The following APBB1 variants were observed in gnomAD, a reference collection of about 807,000 sequenced individuals.
APBB1 encodes the protein amyloid beta precursor protein binding family B member 1.
Under a neutral mutation model 78.4 loss-of-function variants are expected in APBB1, and 22 were observed. The ratio of observed to expected loss-of-function variants is 0.28; its 90% CI spans 0.20 to 0.40. The LOEUF (loss-of-function observed/expected upper bound fraction) is 0.40. Ranked by LOEUF, APBB1 falls within the 10% of genes least tolerant of loss-of-function variation. The pLI is 1.00. For synonymous variants in APBB1, 369 were observed against 372.7 expected, an observed-to-expected ratio of 0.99 and a Z score of 0.12; for missense variants, 749 against 932.4, an observed-to-expected ratio of 0.80 and a Z score of 2.56.
intron 2 of APBB1, among the ~76,000 whole-genome samples, chr11:6,408,423 G>C (rs1210509415): frequency 2.6e-5 from 4 of 152,172 alleles, no homozygotes; most frequent in African/African-American, 9.7e-5. Flanking sequence ...GGGAAGCCAA[G>C]GTAGGAGGAT....
chr11:6,413,574 T>C (rs1413572809), intron 1 of APBB1, among the ~76,000 whole-genome samples: 2 of 151,836 alleles, frequency 1.3e-5, no homozygotes, highest in Non-Finnish European at 1.5e-5. Flanking sequence ...TCCTGCAGCC[T>C]CCTGAGTAGC....
chr11:6,410,842 T>C lies in APBB1; in HGVS notation c.506A>G (p.Glu169Gly), dbSNP rs747475498. 15 of 1,613,812 alleles carry C rather than the reference T, an allele frequency of 9.3e-6. No homozygotes were observed. The highest frequency in any genetic ancestry group is 8.3e-5 in the Admixed American group (5 of 59,962). The change falls in exon 2 of 15, where the codon GAG becomes GGG. Residue 169 changes from glutamate to glycine, a missense_variant. Physicochemically the swap from Glu to Gly is moderately conservative, Grantham distance 98. Coordinates refer to ENST00000609360, the MANE Select transcript of APBB1 (RefSeq NM_001164.5). ...EEEEDDDDEE[E>G]EEDLSSPPGL... is the part of the protein sequence containing the mutation. ...TGGGGGAGAAGATAAGTCCTCCTCC[T>C]CCTCTTCATCATCATCATCCTCCTC...
In APBB1 at chr11:6,411,368, G is replaced by A. The variant is rs369166110; in HGVS notation, c.-14-7C>T. ...GACATGGCCTTGGCAGCTCCTGTGG[G>A]GTGCGGAGGGGAGATGCTGTTGAGC... On this transcript the variant is annotated splice_region_variant and splice_polypyrimidine_tract_variant and intron_variant, in intron 1 of 14. Coordinates refer to ENST00000609360, the MANE Select transcript of APBB1 (RefSeq NM_001164.5). The surrounding 1 kb of genome is among the most constrained non-coding windows in gnomAD (Gnocchi z 5.2). 5 of 1,519,482 alleles carry A rather than the reference G, an allele frequency of 3.3e-6. No individual in the cohort carries two copies. The African/African-American group carries it at 4.2e-5, about 13-fold the overall frequency. The allele number at this position is 1,519,482 out of a possible 1,614,324, so 94.1% of individuals were successfully genotyped here. A position where few individuals can be genotyped will look rare whatever the true frequency, so the allele number is the denominator to read the frequency against.
At chr11:6,404,991 C>T in intron 2 of APBB1, 2 of 1,430,606 alleles carry the variant, frequency 1.4e-6, no homozygotes, top group Non-Finnish European at 1.8e-6. Context: ...GACCACCATG[C>T]TAGGGAATCT....
chr11:6,405,364 C>T, intron 2 of APBB1: 4 of 986,952 alleles, frequency 4.1e-6, no homozygotes, highest in Non-Finnish European at 4.8e-6. Context: ...TGGGGCTTCC[C>T]AGCACCACCC....
At chr11:6,406,205 G>A (rs992597228) in intron 2 of APBB1, among the ~76,000 whole-genome samples, 16 of 151,832 alleles carry the variant, frequency 1.1e-4, no homozygotes, top group African/African-American at 3.6e-4. Flanking sequence ...CTCCTGCATC[G>A]ATTCATGCGA....
rs1373700383 is a variant in APBB1 at position 6,395,941 on chromosome 11, ACT to A, written c.1808_1809del (p.Glu603ValfsTer76). On this transcript the variant is annotated frameshift_variant, in exon 14 of 15. Coordinates refer to ENST00000609360, the MANE Select transcript of APBB1 (RefSeq NM_001164.5). LOFTEE classifies it high-confidence loss of function. The surrounding 1 kb of genome is among the most constrained non-coding windows in gnomAD (Gnocchi z 5.2). The part of the protein sequence containing the change: ...LHQQTEAVLG[E>X]CRVRFLSFLA... ...AGGAAGGAGAGGAAACGCACCCGAC[ACT>A]CTCCCAGCACTGCCTCTGTCTGCAT... is the stretch of plus-strand genomic sequence containing the variant. The A allele has an allele frequency of 6.2e-7, 1 of 1,613,676 alleles. No homozygotes were observed. The highest frequency in any genetic ancestry group is 1.7e-5 in the Admixed American group (1 of 59,960).
chr11:6,401,490 GC>G lies in APBB1; in HGVS notation c.1504-62del. On this transcript the variant is annotated intron_variant, in intron 10 of 14. Coordinates refer to ENST00000609360, the MANE Select transcript of APBB1 (RefSeq NM_001164.5). This position sits in a 1 kb window ranked among gnomAD's most constrained non-coding sequence, Gnocchi z 4.5. ...TCTATTAGAGCCTCATTGCCCTGGG[GC>G]CCCCCTACAGCACTCAGTGACCCCA... 1.9e-6 allele frequency: 3 copies of G among 1,612,374 alleles called. No homozygotes were observed. In the South Asian group the frequency reaches 3.3e-5, roughly 18 times the overall value.
intron 1 of APBB1, among the ~76,000 whole-genome samples, chr11:6,414,221 T>G (rs1849064396): frequency 6.6e-6 from 1 of 152,140 alleles, no homozygotes; most frequent in Admixed American, 6.5e-5. Flanking sequence ...CCCTGGGTCT[T>G]TGTTTATACT....
chr11:6,399,732 T>G (rs775654425), intron 12 of APBB1, among the ~76,000 whole-genome samples: 16 of 152,352 alleles, frequency 1.1e-4, no homozygotes, highest in Middle Eastern at 3.4e-3. Context: ...AACTCCTTGC[T>G]GCCCTTAGGA....
Position 6,395,780 on chromosome 11 carries a change from G to T in APBB1, c.1965+6C>A. On this transcript the variant is annotated splice_donor_region_variant and intron_variant, in intron 14 of 14. Transcript: ENST00000609360. This position sits in a 1 kb window ranked among gnomAD's most constrained non-coding sequence, Gnocchi z 5.2. ...CCACCACCACACCACCCTACTAGTA[G>T]CTTACCATGCACGCAGCCTGCACAG... The T allele has an allele frequency of 6.2e-7, 1 of 1,608,562 alleles. No individual in the cohort carries two copies. Among genetic ancestry groups the T allele is most frequent in the Non-Finnish European group, 8.5e-7 (1 of 1,176,270 alleles).
Position 6,403,085 on chromosome 11 carries a change from G to A in APBB1, c.1104+60C>T. ...TGAGACCCCTCAGAGCACAACATTA[G>A]GGGCTGTCTGACAAATAAGAGGGCC... is the stretch of plus-strand genomic sequence containing the variant. On this transcript the variant is annotated intron_variant, in intron 6 of 14. Coordinates refer to ENST00000609360, the MANE Select transcript of APBB1 (RefSeq NM_001164.5). The surrounding 1 kb of genome is among the most constrained non-coding windows in gnomAD (Gnocchi z 5.3). The A allele has an allele frequency of 6.7e-7, 1 of 1,503,204 alleles. No individual in the cohort carries two copies. The highest frequency in any genetic ancestry group is 9.1e-7 in the Non-Finnish European group (1 of 1,104,352). 93.1% of individuals were successfully genotyped at this position (1,503,204 alleles called of 1,614,324 possible).
At position 6,411,275 on chromosome 11, in the gene APBB1, G is replaced by T. The variant is rs1429964677; in HGVS notation, c.73C>A (p.Pro25Thr). 1.9e-6 allele frequency: 3 copies of T among 1,599,106 alleles called. No individual in the cohort carries two copies. Among genetic ancestry groups the T allele is most frequent in the Admixed American group, 1.7e-5 (1 of 58,496 alleles). ...TTGTGGGCAGCGTGCAGAGGCAGGG[G>T]TAGGCTCAGTGCGGGGCCTCCGTGG... is the stretch of plus-strand genomic sequence containing the variant. ...NSHGGPALSLPLPLHAAHNQL... is the reference protein window; with the variant it reads ...NSHGGPALSLTLPLHAAHNQL... The change falls in exon 2 of 15, where the codon CCC becomes ACC. Residue 25 changes from proline to threonine, a missense_variant. By Grantham distance (38) the Pro-to-Thr change is conservative. Coordinates refer to ENST00000609360, the MANE Select transcript of APBB1 (RefSeq NM_001164.5). The surrounding 1 kb of genome is among the most constrained non-coding windows in gnomAD (Gnocchi z 5.2).
chr11:6,419,257 C>T (rs1432153104), upstream of APBB1: 8 of 287,936 alleles, frequency 2.8e-5, no homozygotes, highest in East Asian at 4.7e-4. Context: ...CCCCGCGGTC[C>T]AGCCCTCCCA....
At chr11:6,418,573 G>A (rs1463125858) in intron 1 of APBB1, among the ~76,000 whole-genome samples, 1 of 152,188 alleles carries the variant, frequency 6.6e-6, no homozygotes, top group African/African-American at 2.4e-5. Flanking sequence ...CACACCCCTC[G>A]GTCGCTGAGG....
At chr11:6,404,842 G>A (rs1465854242) in intron 2 of APBB1, 5 of 1,532,454 alleles carry the variant, frequency 3.3e-6, no homozygotes, top group African/African-American at 1.4e-5. Flanking sequence ...CCTCCTCACA[G>A]CCCCTCCAGC....
intron 2 of APBB1, chr11:6,404,684 T>C: frequency 6.5e-7 from 1 of 1,536,154 alleles, no homozygotes; most frequent in Non-Finnish European, 8.7e-7. Flanking sequence ...ATGCGTCCTC[T>C]AACTCTTCTC....
Position 6,415,939 on chromosome 11 carries a change from T to C in APBB1, c.-15+3046A>G, listed in dbSNP as rs141052143. Among the ~76,000 whole-genome samples the C allele has an allele frequency of 2.1e-3, 316 of 152,260 alleles. 1 individual carries two copies. The highest frequency in any genetic ancestry group is 7.1e-3 in the Admixed American group (108 of 15,294). On this transcript the variant is annotated intron_variant, in intron 1 of 14. Transcript: ENST00000609360. ...ACTCACTGCTCTCTTTCCTCCCCCATACAGGCAAACTTCCTGAGAGAGTTG... is the reference window on the plus strand; with the variant it reads ...ACTCACTGCTCTCTTTCCTCCCCCACACAGGCAAACTTCCTGAGAGAGTTG...
chr11:6,396,436 T>G, intron 12 of APBB1: 3 of 507,038 alleles, frequency 5.9e-6, no homozygotes, highest in Non-Finnish European at 6.9e-6. Context: ...TCTTGGATCC[T>G]AGGCTCGTTA....
Sources: allele counts gnomAD v4.1 joint callset (sites outside exome capture counted in the v4.1 genomes callset), GRCh38; gene constraint gnomAD v4.1.1; non-coding constraint Gnocchi (gnomAD v3.1); transcripts MANE v1.5; gene names NCBI Gene and HGNC (gene_info 2026-07-23, HGNC 2026-07-21).